Variants in NOD1 observed in about 807,000 individuals in gnomAD.
The protein encoded by NOD1 is nucleotide-binding oligomerization domain-containing protein 1.
A neutral mutation model predicts 81.2 loss-of-function variants in NOD1; 70 were observed. The observed-to-expected ratio is 0.86, with a 90% CI of 0.71 to 1.05. NOD1 has a LOEUF of 1.05. Ranked by LOEUF, NOD1 falls within the 50% of genes least tolerant of loss-of-function variation. The pLI is 0.00. For missense variants in NOD1, 1,233 were observed against 1,228.0 expected (o/e 1.00, Z -0.06); for synonymous variants, 508 against 526.9 (o/e 0.96, Z 0.49).
intron 12 of NOD1, among the ~76,000 whole-genome samples, chr7:30,429,770 A>G (rs1562651392): frequency 6.6e-6 from 1 of 152,164 alleles, no homozygotes; most frequent in Non-Finnish European, 1.5e-5. Context: ...AGTGGCTCAC[A>G]CCTGTAATCC....
At chr7:30,461,678 A>ATTCTGATG (rs1227336137) in intron 1 of NOD1, among the ~76,000 whole-genome samples, 3 of 152,256 alleles carry the variant, frequency 2.0e-5, no homozygotes, top group African/African-American at 7.2e-5. Flanking sequence ...GTGTTGAGAC[A>ATTCTGATG]TCAGAGTTCC....
intron 1 of NOD1, among the ~76,000 whole-genome samples, chr7:30,471,130 TAC>T (rs1466166210): frequency 6.7e-6 from 1 of 149,344 alleles, no homozygotes; most frequent in African/African-American, 2.6e-5. Flanking sequence ...TGAACATGTA[TAC>T]AGAGTCAGCA....
At chr7:30,450,158 C>T (rs1248237759) in intron 6 of NOD1, among the ~76,000 whole-genome samples, 1 of 151,956 alleles carries the variant, frequency 6.6e-6, no homozygotes, top group South Asian at 2.1e-4. Context: ...CACGCCACTG[C>T]ACTCCAGCCT....
At chr7:30,437,777 C>T (rs1784510866) in intron 9 of NOD1, 121 bp from the exon 10 acceptor site, 5 of 653,214 alleles carry the variant, frequency 7.7e-6, no homozygotes, top group African/African-American at 2.0e-5. Flanking sequence ...TGTGCCCAGT[C>T]CCTGGATCTG....
At chr7:30,429,950 G>A (rs910291228) in intron 12 of NOD1, among the ~76,000 whole-genome samples, 2 of 152,210 alleles carry the variant, frequency 1.3e-5, no homozygotes, top group African/African-American at 4.8e-5. Context: ...GAACTGGGAG[G>A]TGGAGGTTGC....
At position 30,451,468 on chromosome 7, in the gene NOD1, G is replaced by A. The variant is rs1343842152; in HGVS notation, c.1949C>T (p.Pro650Leu). The A allele has an allele frequency of 4.3e-6, 7 of 1,613,256 alleles. No individual in the cohort carries two copies. Among genetic ancestry groups the A allele is most frequent in the East Asian group, 2.2e-5 (1 of 44,890 alleles). ...GCAGCGCAGCATCCAGATGAACGTG[G>A]GCATGGCCTGCACCTGGTTGAAGCT... ...VESFNQVQAM[P>L]TFIWMLRCIY... The change falls in exon 6 of 14, where the codon CCC becomes CTC. Residue 650 changes from proline (P) to leucine (L), a missense_variant. Physicochemically the swap from Pro to Leu is moderately conservative, Grantham distance 98. Transcript: ENST00000222823. This position sits in a 1 kb window ranked among gnomAD's most constrained non-coding sequence, Gnocchi z 4.2.
At position 30,446,655 on chromosome 7, in the gene NOD1, C is replaced by G. The variant is rs146496218; in HGVS notation, c.2369+312G>C. 10 of 407,300 alleles carry G rather than the reference C, an allele frequency of 2.5e-5. No homozygotes were observed. In the Admixed American group the frequency reaches 4.3e-4, roughly 17 times the overall value. 25.2% of individuals were successfully genotyped at this position (407,300 alleles called of 1,614,324 possible). A position where few individuals can be genotyped will look rare whatever the true frequency, so the allele number is the denominator to read the frequency against. ...ACCTACAGCAGGGCAAGGGCCCAAG[C>G]TCTTCCTTGCAACCCGACAGGAAAC... On this transcript the variant is annotated intron_variant, in intron 8 of 13. Transcript: ENST00000222823.
chr7:30,448,101 G>A, intron 7 of NOD1, 197 bp downstream of exon 7: 1 of 584,928 alleles, frequency 1.7e-6, no homozygotes, highest in Non-Finnish European at 3.1e-6. Context: ...TTTTACAGGT[G>A]AGGAGGCTGA....
intron 8 of NOD1, 131 bp from the exon 9 acceptor site, chr7:30,446,355 G>T: frequency 1.4e-6 from 1 of 738,318 alleles, no homozygotes. Context: ...GGATCCACAA[G>T]AGCCATGGCC....
chr7:30,455,416 G>A, intron 4 of NOD1, 105 bp from the exon 5 acceptor site: 3 of 820,956 alleles, frequency 3.7e-6, no homozygotes, highest in Non-Finnish European at 5.7e-6. Flanking sequence ...TCTTAGTACA[G>A]CCGGTAGCTA....
rs896064652 is a variant in NOD1 at position 30,467,909 on chromosome 7, C to G, written c.-351-7868G>C. ...TAGAGACGGGGTTTCACCACGTTGG[C>G]CAGGCTGGTCTTGAACTCCTGACCT... On this transcript the variant is annotated intron_variant, in intron 1 of 13. Coordinates refer to ENST00000222823, the MANE Select transcript of NOD1 (RefSeq NM_006092.4). The surrounding 1 kb of genome is among the most constrained non-coding windows in gnomAD (Gnocchi z 4.5). Among the ~76,000 whole-genome samples the G allele has an allele frequency of 6.6e-6, 1 of 152,042 alleles. No individual in the cohort carries two copies. Among genetic ancestry groups the G allele is most frequent in the African/African-American group, 2.4e-5 (1 of 41,390 alleles).
intron 1 of NOD1, among the ~76,000 whole-genome samples, chr7:30,469,397 C>A (rs759723949): frequency 9.9e-5 from 15 of 152,124 alleles, no homozygotes; most frequent in Non-Finnish European, 1.5e-4. Context: ...GGCTTCCTTC[C>A]CCTCCCTACT....
At chr7:30,430,967 A>C (rs1699800731) in intron 12 of NOD1, among the ~76,000 whole-genome samples, 1 of 152,172 alleles carries the variant, frequency 6.6e-6, no homozygotes, top group African/African-American at 2.4e-5. Flanking sequence ...ATTCAGTTAC[A>C]CTCTGCTGTT....
intron 5 of NOD1, among the ~76,000 whole-genome samples, chr7:30,454,107 G>C (rs1786089216): frequency 6.6e-6 from 1 of 152,252 alleles, no homozygotes; most frequent in Admixed American, 6.5e-5. Context: ...GGCACCTGCA[G>C]GGGCTGTGGA....
intron 9 of NOD1, among the ~76,000 whole-genome samples, chr7:30,439,050 T>A (rs1444117367): frequency 6.6e-6 from 1 of 152,132 alleles, no homozygotes; most frequent in Non-Finnish European, 1.5e-5. Flanking sequence ...GACCTCACAC[T>A]CATTAGGATG....
intron 13 of NOD1, among the ~76,000 whole-genome samples, chr7:30,427,902 C>T (rs1209617505): frequency 1.3e-5 from 2 of 152,196 alleles, no homozygotes; most frequent in Non-Finnish European, 2.9e-5. Context: ...TGCCTGCTGT[C>T]CTCAAAACTT....
intron 12 of NOD1, among the ~76,000 whole-genome samples, chr7:30,430,171 G>C (rs1411023740): frequency 6.6e-6 from 1 of 152,176 alleles, no homozygotes; most frequent in Non-Finnish European, 1.5e-5. Flanking sequence ...CAAGAGGGAG[G>C]GAGGAGAAAC....
chr7:30,470,918 G>A (rs2709803), intron 1 of NOD1, among the ~76,000 whole-genome samples: 35,057 of 152,072 alleles, frequency 0.23, 4,403 homozygotes, highest in East Asian at 0.36. Flanking sequence ...AGAAGTGGCC[G>A]ATCTGGAAGC....
At chr7:30,476,918 C>G (rs904268732) in intron 1 of NOD1, among the ~76,000 whole-genome samples, 1 of 152,202 alleles carries the variant, frequency 6.6e-6, no homozygotes, top group Non-Finnish European at 1.5e-5. Flanking sequence ...AAACAATTAA[C>G]GGGCACAAAC....
Sources: allele counts gnomAD v4.1 joint callset (sites outside exome capture counted in the v4.1 genomes callset), GRCh38; gene constraint gnomAD v4.1.1; non-coding constraint Gnocchi (gnomAD v3.1); transcripts MANE v1.5; gene names NCBI Gene and HGNC (gene_info 2026-07-23, HGNC 2026-07-21).